The following TENM1 variants were observed in gnomAD, a reference collection of about 807,000 sequenced individuals.
The protein encoded by TENM1 is teneurin transmembrane protein 1.
TENM1 carries 35 observed loss-of-function variants against 174.8 expected under a neutral mutation model. The observed-to-expected ratio is 0.20, with a 90% CI of 0.15 to 0.27. TENM1 has a LOEUF of 0.27. TENM1 is among the 10% of genes least tolerant of loss of function. TENM1 has a pLI of 1.00. For synonymous variants in TENM1, 781 were observed against 798.7 expected, an observed-to-expected ratio of 0.98 and a Z score of 0.37; for missense variants, 1,633 against 2,130.1, an observed-to-expected ratio of 0.77 and a Z score of 4.59.
intron 12 of TENM1, among the ~76,000 whole-genome samples, chrX:124,565,148 A>C (rs980768153): frequency 1.1e-4 from 12 of 112,198 alleles, no homozygotes; most frequent in African/African-American, 3.9e-4. Flanking sequence ...AGAAAACATA[A>C]GGAATACTGA....
intron 22 of TENM1, among the ~76,000 whole-genome samples, chrX:124,481,312 C>A (rs1032535426): frequency 9.0e-6 from 1 of 110,897 alleles, no homozygotes; most frequent in East Asian, 2.8e-4. Context: ...CAGACCTTAT[C>A]GCAAGCAATG....
the TENM1 span, among the ~76,000 whole-genome samples, chrX:125,028,284 T>C: frequency 3.6e-5 from 4 of 112,056 alleles, no homozygotes; most frequent in African/African-American, 1.3e-4. Flanking sequence ...GAGCCTCCCA[T>C]TAGCATAGTT....
chrX:125,109,618 T>C, the TENM1 span, among the ~76,000 whole-genome samples: 6 of 111,189 alleles, frequency 5.4e-5, no homozygotes, highest in Non-Finnish European at 7.5e-5. Context: ...GCATACTTCA[T>C]GGGACAGAGG....
intron 11 of TENM1, among the ~76,000 whole-genome samples, chrX:124,626,289 T>G (rs1173914680): frequency 8.9e-6 from 1 of 111,949 alleles, no homozygotes; most frequent in Admixed American, 9.5e-5. Flanking sequence ...AACTAAGATT[T>G]TTTTTGAAAC....
intron 1 of TENM1, among the ~76,000 whole-genome samples, chrX:124,929,997 C>A (rs1348270975): frequency 9.0e-6 from 1 of 110,777 alleles, no homozygotes; most frequent in Non-Finnish European, 1.9e-5. Context: ...CCTCTCTTTT[C>A]TTTTACTCCT....
At chrX:124,544,085 C>T (rs1432822076) in intron 15 of TENM1, among the ~76,000 whole-genome samples, 2 of 113,026 alleles carry the variant, frequency 1.8e-5, no homozygotes, top group African/African-American at 6.4e-5. Flanking sequence ...GCTTTCTTCA[C>T]CCGCCTACCC....
the TENM1 span, among the ~76,000 whole-genome samples, chrX:124,997,721 T>G: frequency 9.0e-6 from 1 of 110,794 alleles, no homozygotes; most frequent in Admixed American, 9.6e-5. Context: ...CTGGTACATT[T>G]TGGGCTGGTG....
At chrX:124,882,032 C>A (rs2057313354) in intron 3 of TENM1, among the ~76,000 whole-genome samples, 1 of 112,009 alleles carries the variant, frequency 8.9e-6, no homozygotes, top group Admixed American at 9.4e-5. Flanking sequence ...CCCAGCAACC[C>A]CTTAGGTTTT....
intron 5 of TENM1, among the ~76,000 whole-genome samples, chrX:124,704,794 T>G (rs2052856550): frequency 9.1e-6 from 1 of 110,167 alleles, no homozygotes; most frequent in African/African-American, 3.3e-5. Flanking sequence ...ACTGTGTTAG[T>G]AGTATAAATA....
chrX:124,528,013 G>A (rs1314408173), intron 16 of TENM1, among the ~76,000 whole-genome samples: 2 of 108,436 alleles, frequency 1.8e-5, no homozygotes, highest in East Asian at 5.8e-4. Context: ...TACTCAAACT[G>A]AGGTAGCAAC....
chrX:124,386,708 G>C (rs2060223463), intron 28 of TENM1, among the ~76,000 whole-genome samples: 1 of 110,145 alleles, frequency 9.1e-6, no homozygotes, highest in Admixed American at 9.7e-5. Context: ...TCATCGAAGG[G>C]TTTCTATTTT....
intron 1 of TENM1, among the ~76,000 whole-genome samples, chrX:124,906,349 A>G (rs2057748701): frequency 8.9e-6 from 1 of 112,248 alleles, no homozygotes; most frequent in Non-Finnish European, 1.9e-5. Flanking sequence ...TTGAATCATT[A>G]TAAGTTGAAC....
chrX:124,987,547 T>C, the TENM1 span, among the ~76,000 whole-genome samples: 1 of 111,782 alleles, frequency 8.9e-6, no homozygotes, highest in African/African-American at 3.2e-5. Context: ...AAAAAATAAA[T>C]AAACTATAGT....
intron 3 of TENM1, among the ~76,000 whole-genome samples, chrX:124,892,972 C>T (rs745348287): frequency 8.9e-6 from 1 of 112,135 alleles, no homozygotes; most frequent in South Asian, 3.7e-4. Context: ...GCAACATTTC[C>T]ACACAAACAC....
At chrX:124,812,314 A>G (rs1427742048) in intron 3 of TENM1, among the ~76,000 whole-genome samples, 3 of 111,612 alleles carry the variant, frequency 2.7e-5, no homozygotes, top group African/African-American at 9.7e-5. Flanking sequence ...AAATTTGAAC[A>G]AGCTAAAATA....
At chrX:125,194,675 G>C in the TENM1 span, among the ~76,000 whole-genome samples, 2 of 111,797 alleles carry the variant, frequency 1.8e-5, no homozygotes, top group Non-Finnish European at 3.8e-5. Flanking sequence ...AGCCTCTTCT[G>C]TATGTCAGAC....
At chrX:124,423,375 C>T (rs1445620393) in intron 23 of TENM1, among the ~76,000 whole-genome samples, 3 of 111,597 alleles carry the variant, frequency 2.7e-5, no homozygotes, top group Non-Finnish European at 3.8e-5. Context: ...ACTGAGTATT[C>T]GCTGAGTACC....
At chrX:124,533,446 A>G (rs1273506819) in intron 15 of TENM1, among the ~76,000 whole-genome samples, 1 of 111,003 alleles carries the variant, frequency 9.0e-6, no homozygotes, top group Admixed American at 9.6e-5. Flanking sequence ...TGATATTACC[A>G]CAGTCCTGCT....
intron 3 of TENM1, among the ~76,000 whole-genome samples, chrX:124,876,927 T>C (rs1032255345): frequency 1.8e-5 from 2 of 112,127 alleles, no homozygotes; most frequent in Non-Finnish European, 3.8e-5. Context: ...TATTTTCTCT[T>C]CTTTTCCTGA....
Sources: gnomAD v4.1 joint callset for allele counts (sites outside exome capture counted in the v4.1 genomes callset) on GRCh38, gnomAD v4.1.1 for gene constraint, MANE v1.5 for transcripts, NCBI Gene and HGNC (gene_info 2026-07-23, HGNC 2026-07-21) for gene names.